Variants in ODAD4 observed in about 807,000 individuals in gnomAD.
ODAD4 encodes outer dynein arm-docking complex subunit 4.
In ODAD4, 49 loss-of-function variants were observed where a neutral mutation model predicts 51.8. The observed-to-expected ratio is 0.95, with a 90% CI of 0.75 to 1.20. The LOEUF (loss-of-function observed/expected upper bound fraction) is 1.20. Ranked by LOEUF, ODAD4 falls within the 50% of genes most tolerant of loss-of-function variation. The probability of loss-of-function intolerance (pLI) is 0.00; values close to 1 mark genes in which losing one functional copy is unlikely to be tolerated. For synonymous variants in ODAD4, 235 were observed against 221.3 expected (o/e 1.06, Z -0.55); for missense variants, 590 against 586.5 (o/e 1.01, Z -0.06).
intron 10 of ODAD4, among the ~76,000 whole-genome samples, chr17:41,956,989 T>C (rs1461075042): frequency 1.3e-5 from 2 of 152,182 alleles, no homozygotes; most frequent in African/African-American, 4.8e-5. Context: ...ACTGTAGGCT[T>C]GACCTCCTGG....
At chr17:41,945,464 A>T (rs375210662) in intron 8 of ODAD4, among the ~76,000 whole-genome samples, 1 of 151,900 alleles carries the variant, frequency 6.6e-6, no homozygotes, top group African/African-American at 2.4e-5. Flanking sequence ...GTGAGACATG[A>T]TCACACTACT....
chr17:41,948,008 C>G (rs915171930), intron 8 of ODAD4, among the ~76,000 whole-genome samples: 1 of 151,586 alleles, frequency 6.6e-6, no homozygotes, highest in Non-Finnish European at 1.5e-5. Flanking sequence ...ATCCCAGCTA[C>G]TTGGGAGGCT....
chr17:41,942,543 G>T (rs2050520858), intron 7 of ODAD4, among the ~76,000 whole-genome samples: 1 of 152,218 alleles, frequency 6.6e-6, no homozygotes, highest in Non-Finnish European at 1.5e-5. Flanking sequence ...CTAGAAGAGG[G>T]GATCCACTCC....
At chr17:41,938,901 G>A in intron 6 of ODAD4, 64 bp from the exon 7 acceptor site, 1 of 1,581,980 alleles carries the variant, frequency 6.3e-7, no homozygotes, top group Non-Finnish European at 8.6e-7. Context: ...TGCAGGAAGA[G>A]GAGTTACCCT....
At chr17:41,950,727 G>A (rs2050641160) in intron 9 of ODAD4, among the ~76,000 whole-genome samples, 1 of 151,334 alleles carries the variant, frequency 6.6e-6, no homozygotes, top group African/African-American at 2.4e-5. Flanking sequence ...TTTATTTTTT[G>A]AGATGGAGTC....
At chr17:41,954,963 C>G in intron 9 of ODAD4, 3 of 579,066 alleles carry the variant, frequency 5.2e-6, no homozygotes, top group South Asian at 4.9e-5. Flanking sequence ...GCACCACAGT[C>G]CCCTTCTCTC....
rs1480998799 is a variant in ODAD4, at chr17:41,949,151, A to C, written c.1146-2A>C. ...GCTGACTCTGGTTCTTCATGTCCCC[A>C]GGTGGGAAGAAAAGATCCCTCTGGC... is the stretch of plus-strand genomic sequence containing the variant. On this transcript the variant is annotated splice_acceptor_variant, in intron 8 of 11. Transcript: ENST00000377540. LOFTEE classifies it high-confidence loss of function. 2 of 398,586 alleles carry C rather than the reference A, an allele frequency of 5.0e-6. No homozygotes were observed. Among genetic ancestry groups the C allele is most frequent in the Non-Finnish European group, 8.8e-6 (2 of 226,068 alleles). The allele number at this position is 398,586 out of a possible 1,614,324, so 24.7% of individuals were successfully genotyped here.
intron 1 of ODAD4, among the ~76,000 whole-genome samples, chr17:41,932,228 C>T (rs953615065): frequency 4.6e-5 from 7 of 152,130 alleles, no homozygotes; most frequent in Middle Eastern, 3.2e-3. Flanking sequence ...CACCACCATG[C>T]TCGGCTAATT....
intron 1 of ODAD4, among the ~76,000 whole-genome samples, chr17:41,932,236 AT>A (rs1343381074): frequency 6.6e-6 from 1 of 151,896 alleles, no homozygotes; most frequent in Non-Finnish European, 1.5e-5. Context: ...TGCTCGGCTA[AT>A]TTTGTATTTT....
In ODAD4 at chr17:41,965,958, G is replaced by A. The variant is rs1438754418; in HGVS notation, c.*475G>A. ...CAAGCCAGAACCAAGCGAATGCTGG[G>A]AGTGAGGCCAAAGATAGGGGAGTGG... is the stretch of plus-strand genomic sequence containing the variant. On this transcript the variant is annotated 3_prime_UTR_variant, in exon 12 of 12. Coordinates refer to ENST00000377540, the MANE Select transcript of ODAD4 (RefSeq NM_031421.5). Among the ~76,000 whole-genome samples, 4 of 152,184 alleles carry A rather than the reference G, an allele frequency of 2.6e-5. No homozygotes were observed. Among genetic ancestry groups the A allele is most frequent in the African/African-American group, 9.7e-5 (4 of 41,418 alleles).
In ODAD4 at chr17:41,936,336, G is replaced by T. The variant is rs1340464733; in HGVS notation, c.398-137G>T. ...ACCAAACAGCCTGCACCATTTGCCT[G>T]CTAGGCTGGCTTAGGGCCAGCTTTG... On this transcript the variant is annotated intron_variant, in intron 3 of 11. Coordinates refer to ENST00000377540, the MANE Select transcript of ODAD4 (RefSeq NM_031421.5). 8 of 661,226 alleles carry T rather than the reference G, an allele frequency of 1.2e-5. No homozygotes were observed. In the African/African-American group the frequency reaches 1.4e-4, roughly 12 times the overall value. 41.0% of individuals were successfully genotyped at this position (661,226 alleles called of 1,614,324 possible).
chr17:41,947,093 G>A (rs1203167181), intron 8 of ODAD4, among the ~76,000 whole-genome samples: 10 of 150,410 alleles, frequency 6.6e-5, no homozygotes, highest in African/African-American at 1.7e-4. Context: ...CAGGTGATCC[G>A]CCCACCTCAG....
Position 41,939,187 on chromosome 17 carries a change from G to A in ODAD4, c.1058+15G>A. 1 of 1,608,988 alleles carries A rather than the reference G, an allele frequency of 6.2e-7. No individual in the cohort carries two copies. Among genetic ancestry groups the A allele is most frequent in the Non-Finnish European group, 8.5e-7 (1 of 1,177,516 alleles). Reference sequence around the variant, plus strand: ...GCCAAGGAATAGTGAGTGCCCTAGGGGAGGCCACTGGCGTGAGCCTACGGA... The same window carrying A: ...GCCAAGGAATAGTGAGTGCCCTAGGAGAGGCCACTGGCGTGAGCCTACGGA... On this transcript the variant is annotated intron_variant, in intron 7 of 11. Coordinates refer to ENST00000377540, the MANE Select transcript of ODAD4 (RefSeq NM_031421.5).
intron 5 of ODAD4, among the ~76,000 whole-genome samples, chr17:41,937,229 C>G (rs1555637984): frequency 6.6e-6 from 1 of 152,186 alleles, no homozygotes; most frequent in African/African-American, 2.4e-5. Flanking sequence ...GTCTCCTTTA[C>G]CACCATAGTC....
At position 41,930,732 on chromosome 17, in the gene ODAD4, C is replaced by A. The variant is rs1304928101; in HGVS notation, c.9C>A (p.Asp3Glu). 4 of 1,608,162 alleles carry A rather than the reference C, an allele frequency of 2.5e-6. No individual in the cohort carries two copies. The highest frequency in any genetic ancestry group is 3.4e-6 in the Non-Finnish European group (4 of 1,176,598). ...CTCTAAATCCGGTCACCATGTCGGA[C>A]CCCGAAGGCGAGACCTTGCGAAGCA... MSDPEGETLRSTF... is the reference protein window; with the variant it reads MSEPEGETLRSTF... Residue 3 changes from aspartate (D) to glutamate (E), a missense_variant, in exon 1 of 12, where the codon GAC (aspartate) becomes GAA (glutamate). Transcript: ENST00000377540.
intron 10 of ODAD4, among the ~76,000 whole-genome samples, chr17:41,960,471 C>T (rs1382946004): frequency 3.3e-5 from 5 of 151,412 alleles, no homozygotes; most frequent in Non-Finnish European, 7.4e-5. Context: ...AACAAACAAA[C>T]AAAAAACAAA....
At chr17:41,946,323 T>G (rs1490911425) in intron 8 of ODAD4, among the ~76,000 whole-genome samples, 3 of 152,138 alleles carry the variant, frequency 2.0e-5, no homozygotes, top group Non-Finnish European at 4.4e-5. Flanking sequence ...TATCACTTTT[T>G]TTTGTTTGTT....
intron 7 of ODAD4, among the ~76,000 whole-genome samples, chr17:41,941,783 A>G (rs1395531640): frequency 7.1e-6 from 1 of 141,154 alleles, no homozygotes; most frequent in East Asian, 2.1e-4. Flanking sequence ...AAAAAAAAAA[A>G]GAGAGAAAAG....
Position 41,935,629 on chromosome 17 carries a change from A to G in ODAD4, c.277A>G (p.Thr93Ala). The G allele has an allele frequency of 1.2e-6, 2 of 1,613,200 alleles. No homozygotes were observed. The highest frequency in any genetic ancestry group is 1.1e-5 in the South Asian group (1 of 90,846). ...TTTGCAAAAGGCTGAGACACTGTAC[A>G]CCATGGGAGACTTTGAGTTTGCCTT... ...GILQKAETLY[T>A]MGDFEFALVF... The change falls in exon 3 of 12, where the codon ACC (threonine) becomes GCC (alanine). Residue 93 changes from threonine to alanine, a missense_variant. By Grantham distance (58) the Thr-to-Ala change is moderately conservative. Around this residue, in one of 3 missense-constraint regions of ODAD4, gnomAD observed 360 missense variants for 407.5 expected, o/e 0.88. Coordinates refer to ENST00000377540, the MANE Select transcript of ODAD4 (RefSeq NM_031421.5).
Sources: gnomAD v4.1 joint callset for allele counts (sites outside exome capture counted in the v4.1 genomes callset) on GRCh38, gnomAD v4.1.1 for gene constraint, gnomAD v4.1.1 regional missense constraint, MANE v1.5 for transcripts, NCBI Gene and HGNC (gene_info 2026-07-23, HGNC 2026-07-21) for gene names.